The following FAM81A variants were observed in gnomAD, a reference collection of about 807,000 sequenced individuals.
FAM81A encodes the protein family with sequence similarity 81 member A.
FAM81A carries 19 observed loss-of-function variants against 46.7 expected under a neutral mutation model. That is an observed-to-expected ratio of 0.41 (90% CI 0.28 to 0.60). The LOEUF (loss-of-function observed/expected upper bound fraction) is 0.60, where lower values mean the gene tolerates loss of function less well. Among genes scored for constraint, FAM81A ranks in the 20% least tolerant of loss-of-function variants. FAM81A has a pLI of 0.34. For missense variants in FAM81A, 377 were observed against 453.5 expected, an observed-to-expected ratio of 0.83 and a Z score of 1.53; for synonymous variants, 183 against 152.9, an observed-to-expected ratio of 1.20 and a Z score of -1.45.
At chr15:59,509,714 C>A (rs1039552416) in intron 6 of FAM81A, among the ~76,000 whole-genome samples, 1 of 152,034 alleles carries the variant, frequency 6.6e-6, no homozygotes, top group Non-Finnish European at 1.5e-5. Context: ...GAGGTGAGAG[C>A]TGAAGAGTGA....
At chr15:59,429,911 G>A (rs1298064466) in intron 2 of FAM81A, among the ~76,000 whole-genome samples, 1 of 152,208 alleles carries the variant, frequency 6.6e-6, no homozygotes, top group Non-Finnish European at 1.5e-5. Flanking sequence ...GAACAGGGCA[G>A]GCAGGTGGCG....
intron 2 of FAM81A, among the ~76,000 whole-genome samples, chr15:59,402,859 T>C (rs1031509786): frequency 2.0e-5 from 3 of 152,154 alleles, no homozygotes; most frequent in Non-Finnish European, 4.4e-5. Context: ...CGGCCTCTAT[T>C]CCTTTTACAA....
At chr15:59,490,743 T>C (rs113096810) in intron 3 of FAM81A, among the ~76,000 whole-genome samples, 12,403 of 152,100 alleles carry the variant, frequency 0.082, 603 homozygotes, top group African/African-American at 0.13. Context: ...GGCTGAGGCA[T>C]GAGAATCGCT....
chr15:59,478,164 T>C (rs546955267), intron 3 of FAM81A, among the ~76,000 whole-genome samples: 35 of 152,298 alleles, frequency 2.3e-4, no homozygotes, highest in African/African-American at 8.4e-4. Flanking sequence ...GCTTTAGCTG[T>C]GTCTCTGGCC....
chr15:59,481,794 G>T (rs1253093108), intron 3 of FAM81A, among the ~76,000 whole-genome samples: 2 of 151,468 alleles, frequency 1.3e-5, no homozygotes, highest in Non-Finnish European at 2.9e-5. Context: ...TTTGGCATTG[G>T]TCTCCAGGAA....
At chr15:59,403,016 T>C (rs890877954) in intron 2 of FAM81A, among the ~76,000 whole-genome samples, 3 of 151,540 alleles carry the variant, frequency 2.0e-5, no homozygotes, top group African/African-American at 7.3e-5. Flanking sequence ...TTATTGCCGA[T>C]GTAGAGGAAC....
chr15:59,521,366 G>C lies in FAM81A; in HGVS notation c.1095G>C (p.Glu365Asp). The C allele has an allele frequency of 6.2e-7, 1 of 1,610,736 alleles. No homozygotes were observed. Among genetic ancestry groups the C allele is most frequent in the Non-Finnish European group, 8.5e-7 (1 of 1,178,224 alleles). Residue 365 changes from glutamate (E) to aspartate (D), a missense_variant, in exon 9 of 9, where the codon GAG becomes GAC. Physicochemically the swap from Glu to Asp is conservative, Grantham distance 45. Transcript: ENST00000288228. ...QKQIQLMQKPETPM is the reference protein window; with the variant it reads ...QKQIQLMQKPDTPM ...AAATCCAGCTGATGCAGAAGCCAGA[G>C]ACCCCCATGTGAAGGGAGCTGGGAC...
At chr15:59,504,548 A>G (rs564697029) in intron 4 of FAM81A, among the ~76,000 whole-genome samples, 3 of 152,186 alleles carry the variant, frequency 2.0e-5, no homozygotes, top group Non-Finnish European at 4.4e-5. Context: ...TAGAGTCAAT[A>G]ATAAGTTTAC....
chr15:59,401,770 A>ATTTT (rs57470869), intron 1 of FAM81A: 7 of 694,324 alleles, frequency 1.0e-5, no homozygotes, highest in African/African-American at 1.9e-5. Flanking sequence ...TCTTTTCAGC[A>ATTTT]TTTTTTTTTT....
intron 2 of FAM81A, among the ~76,000 whole-genome samples, chr15:59,413,968 T>C (rs554978549): frequency 2.7e-4 from 41 of 152,106 alleles, no homozygotes; most frequent in Admixed American, 1.2e-3. Flanking sequence ...TTTTTCTTTT[T>C]TTAGAGACAG....
chr15:59,411,887 T>TCAA (rs76002558), intron 2 of FAM81A, among the ~76,000 whole-genome samples: 40,935 of 151,244 alleles, frequency 0.27, 5,638 homozygotes, highest in Non-Finnish European at 0.3. Flanking sequence ...GCAATCCGTC[T>TCAA]CAACAACAAC....
chr15:59,403,531 T>C (rs2140464402), intron 2 of FAM81A, among the ~76,000 whole-genome samples: 1 of 152,304 alleles, frequency 6.6e-6, no homozygotes, highest in South Asian at 2.1e-4. Context: ...TGGGAGAATA[T>C]ACATTTATGT....
chr15:59,501,814 T>C (rs1022046004), intron 4 of FAM81A, among the ~76,000 whole-genome samples: 33 of 152,206 alleles, frequency 2.2e-4, no homozygotes, highest in African/African-American at 8.0e-4. Context: ...ATGTAAAGCA[T>C]TAAGGACGAA....
chr15:59,477,650 C>T (rs1166860958), intron 3 of FAM81A, among the ~76,000 whole-genome samples: 5 of 152,198 alleles, frequency 3.3e-5, no homozygotes, highest in Admixed American at 1.3e-4. Flanking sequence ...ATTTTCAACA[C>T]CTACCAATGT....
At chr15:59,434,782 A>T (rs544959237), upstream of FAM81A, among the ~76,000 whole-genome samples, 15 of 152,180 alleles carry the variant, frequency 9.9e-5, no homozygotes, top group South Asian at 8.3e-4. Flanking sequence ...CAAAGTGCTA[A>T]CTCTTTATCC....
intron 1 of FAM81A, among the ~76,000 whole-genome samples, chr15:59,457,848 A>C (rs187837366): frequency 1.2e-3 from 180 of 152,338 alleles, no homozygotes; most frequent in Non-Finnish European, 1.9e-3. Flanking sequence ...ATTTTAAGGC[A>C]ATTGATAGCA....
chr15:59,460,331 T>G lies in FAM81A; in HGVS notation c.294+125T>G. The G allele has an allele frequency of 7.8e-7, 1 of 1,281,902 alleles. No homozygotes were observed. The highest frequency in any genetic ancestry group is 1.1e-6 in the Non-Finnish European group (1 of 885,120). The allele number at this position is 1,281,902 out of a possible 1,614,324, so 79.4% of individuals were successfully genotyped here. A position where few individuals can be genotyped will look rare whatever the true frequency, so the allele number is the denominator to read the frequency against. On this transcript the variant is annotated intron_variant, in intron 3 of 8. Coordinates refer to ENST00000288228, the MANE Select transcript of FAM81A (RefSeq NM_152450.3). The surrounding 1 kb of genome is among the most constrained non-coding windows in gnomAD (Gnocchi z 4.4). ...GCATTTAGAACAAAGCTGTCTGTCTTGTCTATTCTTAATGATCGCCAAGGA... is the reference window on the plus strand; with the variant it reads ...GCATTTAGAACAAAGCTGTCTGTCTGGTCTATTCTTAATGATCGCCAAGGA...
At chr15:59,510,906 G>A (rs1233842547) in intron 6 of FAM81A, among the ~76,000 whole-genome samples, 1 of 151,664 alleles carries the variant, frequency 6.6e-6, no homozygotes, top group Non-Finnish European at 1.5e-5. Context: ...CCAGCACTTT[G>A]GAAGGTTGAG....
At position 59,522,903 on chromosome 15, in the gene FAM81A, A is replaced by T. The variant is rs879368059; in HGVS notation, c.*1525A>T. 19 of 152,530 alleles carry T rather than the reference A, an allele frequency of 1.2e-4. No individual in the cohort carries two copies. Among genetic ancestry groups the T allele is most frequent in the Admixed American group, 9.8e-4 (15 of 15,274 alleles). 9.4% of individuals were successfully genotyped at this position (152,530 alleles called of 1,614,324 possible). ...TTCAAATTTGGACATGAGAGGTTAT[A>T]TAGGGACTATATTATCCAACACATA... On this transcript the variant is annotated 3_prime_UTR_variant, in exon 9 of 9. Transcript: ENST00000288228.
Sources: allele counts gnomAD v4.1 joint callset (sites outside exome capture counted in the v4.1 genomes callset), GRCh38; gene constraint gnomAD v4.1.1; non-coding constraint Gnocchi (gnomAD v3.1); transcripts MANE v1.5; gene names NCBI Gene and HGNC (gene_info 2026-07-23, HGNC 2026-07-21).